TIE1: variants seen among roughly 807,000 people sequenced by gnomAD.
TIE1 encodes the protein tyrosine kinase with immunoglobulin like and EGF like domains 1.
In TIE1, 89 loss-of-function variants were observed where a neutral mutation model predicts 130.5. That is an observed-to-expected ratio of 0.68 (90% CI 0.57 to 0.81). TIE1 has a LOEUF of 0.81. Ranked by LOEUF, TIE1 falls within the 40% of genes least tolerant of loss-of-function variation. The probability of loss-of-function intolerance (pLI) is 0.00; values close to 1 mark genes in which losing one functional copy is unlikely to be tolerated. For synonymous variants in TIE1, 568 were observed against 629.4 expected, an observed-to-expected ratio of 0.90 and a Z score of 1.46; for missense variants, 1,392 against 1,559.8, an observed-to-expected ratio of 0.89 and a Z score of 1.81.
intron 19 of TIE1, among the ~76,000 whole-genome samples, chr1:43,321,043 A>C (rs1252133383): frequency 2.7e-5 from 4 of 149,968 alleles, no homozygotes; most frequent in East Asian, 1.9e-4. Flanking sequence ...AAAAAAAAAA[A>C]AAAAAAAAAA....
In TIE1 at chr1:43,321,743, G is replaced by C. The variant is rs912301167; in HGVS notation, c.3345+28G>C. ...GAGGAGACTGGGGCTGAGGTGGCGG[G>C]CTGGGCTCACAGAGTGCTCCAGAGT... On this transcript the variant is annotated intron_variant, in intron 22 of 22. Coordinates refer to ENST00000372476, the MANE Select transcript of TIE1 (RefSeq NM_005424.5). 2.6e-6 allele frequency: 4 copies of C among 1,548,562 alleles called. No individual in the cohort carries two copies. In the African/African-American group the frequency reaches 4.1e-5, roughly 16 times the overall value.
At chr1:43,308,510 A>ACTCAGGTTTGGGTACCAGG (rs1246859644) in intron 7 of TIE1, among the ~76,000 whole-genome samples, 13 of 151,804 alleles carry the variant, frequency 8.6e-5, no homozygotes, top group South Asian at 4.2e-4. Context: ...GGGACTGGGG[A>ACTCAGGTTTGGGTACCAGG]AATGGTCAGA....
chr1:43,301,878 A>C (rs6671624), intron 1 of TIE1, among the ~76,000 whole-genome samples: 78 of 152,322 alleles, frequency 5.1e-4, no homozygotes, highest in African/African-American at 1.9e-3. Context: ...AAAAGAAAAA[A>C]AGATGGTAAA....
chr1:43,309,479 G>T lies in TIE1; in HGVS notation c.1280G>T (p.Arg427Leu), dbSNP rs550355457. The T allele has an allele frequency of 1.1e-4, 173 of 1,610,138 alleles. 2 individuals carry two copies. In the South Asian group the frequency reaches 1.6e-3, roughly 15 times the overall value. ...VLADSGFWEC[R>L]VSTSGGQDSR... ...GCGGACAGTGGGTTCTGGGAGTGCCGTGTGTCCACATCTGGCGGCCAAGAC... is the reference window on the plus strand; with the variant it reads ...GCGGACAGTGGGTTCTGGGAGTGCCTTGTGTCCACATCTGGCGGCCAAGAC... The change falls in exon 9 of 23, where the codon CGT (arginine) becomes CTT (leucine). Residue 427 changes from arginine to leucine, a missense_variant. Arg to Leu is a moderately radical substitution (Grantham distance 102). Around this residue, in one of 6 missense-constraint regions of TIE1, gnomAD observed 551 missense variants for 565.5 expected, o/e 0.97. Coordinates refer to ENST00000372476, the MANE Select transcript of TIE1 (RefSeq NM_005424.5). This position sits in a 1 kb window ranked among gnomAD's most constrained non-coding sequence, Gnocchi z 6.3.
At chr1:43,310,579 A>G (rs1162392623) in intron 9 of TIE1, among the ~76,000 whole-genome samples, 1 of 152,102 alleles carries the variant, frequency 6.6e-6, no homozygotes, top group African/African-American at 2.4e-5. Context: ...GCTCTCACAT[A>G]TGATCTGCAG....
At position 43,306,998 on chromosome 1, in the gene TIE1, C is replaced by T. The variant is rs773380047; in HGVS notation, c.640+3C>T. The T allele has an allele frequency of 1.9e-6, 3 of 1,613,752 alleles. No homozygotes were observed. The highest frequency in any genetic ancestry group is 3.3e-5 in the Admixed American group (2 of 60,010). ...CTTCTTTCGGCTCATCGTGCGGGGT[C>T]AGAGGCAGAGGGCAGAGGTTGTGGG... On this transcript the variant is annotated splice_donor_region_variant and intron_variant, in intron 4 of 22. Transcript: ENST00000372476. This position sits in a 1 kb window ranked among gnomAD's most constrained non-coding sequence, Gnocchi z 4.9.
Position 43,319,967 on chromosome 1 carries a change from A to C in TIE1, c.3107+438A>C. ...CCCCTGCAGACAGCCCTCTTGGCAC[A>C]CTCCTCCTGTCTCTCCAGGGATGTC... is the stretch of plus-strand genomic sequence containing the variant. On this transcript the variant is annotated intron_variant, in intron 19 of 22. Coordinates refer to ENST00000372476, the MANE Select transcript of TIE1 (RefSeq NM_005424.5). The surrounding 1 kb of genome is among the most constrained non-coding windows in gnomAD (Gnocchi z 4.7). 3 of 227,856 alleles carry C rather than the reference A, an allele frequency of 1.3e-5. No homozygotes were observed. Among genetic ancestry groups the C allele is most frequent in the East Asian group, 2.3e-4 (2 of 8,824 alleles). The allele number at this position is 227,856 out of a possible 1,614,324, so 14.1% of individuals were successfully genotyped here. A position where few individuals can be genotyped will look rare whatever the true frequency, so the allele number is the denominator to read the frequency against.
rs1401782795 is a variant in TIE1, at chr1:43,316,163, CCT to C, written c.2410-1035_2410-1034del. Among the ~76,000 whole-genome samples, 3 of 152,234 alleles carry C rather than the reference CCT, an allele frequency of 2.0e-5. No individual in the cohort carries two copies. Among genetic ancestry groups the C allele is most frequent in the South Asian group, 2.1e-4 (1 of 4,834 alleles). On this transcript the variant is annotated intron_variant, in intron 14 of 22. Transcript: ENST00000372476. This position sits in a 1 kb window ranked among gnomAD's most constrained non-coding sequence, Gnocchi z 4.4. Reference sequence around the variant, plus strand: ...CATGTATGAGTGCACACGTGCATCCCCTGTGAGTGCCACATGTTTAAATGCGT... The same window carrying C: ...CATGTATGAGTGCACACGTGCATCCCGTGAGTGCCACATGTTTAAATGCGT...
rs1470950193 is a variant in TIE1 at position 43,318,711 on chromosome 1, C to A, written c.2923-524C>A. On this transcript the variant is annotated intron_variant, in intron 17 of 22. Coordinates refer to ENST00000372476, the MANE Select transcript of TIE1 (RefSeq NM_005424.5). This position sits in a 1 kb window ranked among gnomAD's most constrained non-coding sequence, Gnocchi z 4.4. ...TAGAGACGAGGTTTCACCATGCTGG[C>A]CAGGCTGGTCTCGAACTCCTGTCCT... is the stretch of plus-strand genomic sequence containing the variant. 1.3e-5 allele frequency among the ~76,000 whole-genome samples: 2 copies of A among 152,092 alleles called. No individual in the cohort carries two copies. Among genetic ancestry groups the A allele is most frequent in the African/African-American group, 4.8e-5 (2 of 41,402 alleles).
intron 1 of TIE1, among the ~76,000 whole-genome samples, chr1:43,303,158 G>A (rs1646687037): frequency 6.6e-6 from 1 of 152,176 alleles, no homozygotes; most frequent in African/African-American, 2.4e-5. Context: ...TTATGACAAT[G>A]GGAGTAGAGA....
chr1:43,310,231 G>A (rs1490314958), intron 9 of TIE1, among the ~76,000 whole-genome samples: 2 of 151,902 alleles, frequency 1.3e-5, no homozygotes, highest in Non-Finnish European at 2.9e-5. Context: ...CCTATCCCGT[G>A]ACTATGCATG....
chr1:43,305,099 T>TTC lies in TIE1; in HGVS notation c.310_311dup (p.Cys105ProfsTer33). On this transcript the variant is annotated frameshift_variant, in exon 2 of 23. Transcript: ENST00000372476. LOFTEE classifies it high-confidence loss of function. ...CAAGCCCTCGGACCTCGTGGGCGTC[T>TTC]TCTCCTGCGTGGGCGGTGCTGGGGC... 1 of 1,613,190 alleles carries TTC rather than the reference T, an allele frequency of 6.2e-7. No individual in the cohort carries two copies. Among genetic ancestry groups the TTC allele is most frequent in the African/African-American group, 1.3e-5 (1 of 75,014 alleles).
intron 19 of TIE1, 80 bp from the exon 20 acceptor site, chr1:43,321,187 ACT>A: frequency 1.4e-6 from 2 of 1,443,390 alleles, no homozygotes; most frequent in Non-Finnish European, 2.0e-6. Context: ...GCTGGGAGGC[ACT>A]GCACATCTTG....
chr1:43,308,784 G>T, intron 7 of TIE1: 1 of 706,284 alleles, frequency 1.4e-6, no homozygotes, highest in Admixed American at 2.0e-5. Flanking sequence ...CGGGAAGTGG[G>T]GAGGTGGTTA....
chr1:43,314,382 G>A (rs1646838970), intron 14 of TIE1: 2 of 1,128,834 alleles, frequency 1.8e-6, no homozygotes, highest in African/African-American at 1.6e-5. Flanking sequence ...TGTCCTTGCA[G>A]GCCTTCCTGG....
rs570803002 is a variant in TIE1, at chr1:43,312,574, C to G, written c.1900C>G (p.Pro634Ala). 4 of 1,610,282 alleles carry G rather than the reference C, an allele frequency of 2.5e-6. No homozygotes were observed. The Admixed American group carries it at 5.0e-5, about 20-fold the overall frequency. ...HCTLLGPASP[P>A]AHVLLPPSGP... Reference sequence around the variant, plus strand: ...CACCCTCCTGGGCCCGGCCTCGCCCCCTGCACACGTGCTTCTGCCCCCCAG... The same window carrying G: ...CACCCTCCTGGGCCCGGCCTCGCCCGCTGCACACGTGCTTCTGCCCCCCAG... Residue 634 changes from proline (P) to alanine (A), a missense_variant, in exon 12 of 23, where the codon CCT becomes GCT. By Grantham distance (27) the Pro-to-Ala change is conservative (BLOSUM62 -1). Coordinates refer to ENST00000372476, the MANE Select transcript of TIE1 (RefSeq NM_005424.5). This position sits in a 1 kb window ranked among gnomAD's most constrained non-coding sequence, Gnocchi z 5.6.
At position 43,306,809 on chromosome 1, in the gene TIE1, C is replaced by G; in HGVS notation, c.485-31C>G. The stretch of plus-strand genomic sequence containing the variant: ...GAGGTGACACAGCCCTCATGTAGTG[C>G]TGAGGCCCCTGACACATTCATGTCC... On this transcript the variant is annotated intron_variant, in intron 3 of 22. Transcript: ENST00000372476. The surrounding 1 kb of genome is among the most constrained non-coding windows in gnomAD (Gnocchi z 4.9). 6.3e-7 allele frequency: 1 copy of G among 1,582,232 alleles called. No individual in the cohort carries two copies. Among genetic ancestry groups the G allele is most frequent in the Non-Finnish European group, 8.6e-7 (1 of 1,164,428 alleles).
At chr1:43,301,569 A>G (rs938418394) in intron 1 of TIE1, among the ~76,000 whole-genome samples, 6 of 152,072 alleles carry the variant, frequency 3.9e-5, no homozygotes, top group African/African-American at 1.4e-4. Context: ...GCTGCTTACA[A>G]ATGGTTAAGA....
At position 43,307,101 on chromosome 1, in the gene TIE1, C is replaced by G; in HGVS notation, c.641-41C>G. ...CCCTGGATCTCCAGTCCTCAGTGGTCAGGTGGGTGAGGGTCAGCTGCTGAA... is the reference window on the plus strand; with the variant it reads ...CCCTGGATCTCCAGTCCTCAGTGGTGAGGTGGGTGAGGGTCAGCTGCTGAA... On this transcript the variant is annotated intron_variant, in intron 4 of 22. Transcript: ENST00000372476. The surrounding 1 kb of genome is among the most constrained non-coding windows in gnomAD (Gnocchi z 5.4). The G allele has an allele frequency of 1.2e-6, 2 of 1,613,632 alleles. No homozygotes were observed. The highest frequency in any genetic ancestry group is 3.3e-4 in the Middle Eastern group (2 of 6,062).
Sources: gnomAD v4.1 joint callset for allele counts (sites outside exome capture counted in the v4.1 genomes callset) on GRCh38, gnomAD v4.1.1 for gene constraint, gnomAD v4.1.1 regional missense constraint, Gnocchi (gnomAD v3.1) non-coding constraint, MANE v1.5 for transcripts, NCBI Gene and HGNC (gene_info 2026-07-23, HGNC 2026-07-21) for gene names.